The following CNTN4 variants were observed in gnomAD, a reference collection of about 807,000 sequenced individuals.
CNTN4 encodes contactin 4.
CNTN4 carries 77 observed loss-of-function variants against 122.5 expected under a neutral mutation model. The observed-to-expected ratio is 0.63, with a 90% CI of 0.52 to 0.76. The LOEUF (loss-of-function observed/expected upper bound fraction) is 0.76. CNTN4 is among the 30% of genes least tolerant of loss of function. CNTN4 has a pLI of 0.00. For synonymous variants in CNTN4, 512 were observed against 447.0 expected, an observed-to-expected ratio of 1.15 and a Z score of -1.83; for missense variants, 1,256 against 1,259.1, an observed-to-expected ratio of 1.00 and a Z score of 0.04.
chr3:2,340,709 A>ATG (rs1553627534), intron 3 of CNTN4, among the ~76,000 whole-genome samples: 1 of 101,372 alleles, frequency 9.9e-6, no homozygotes, highest in African/African-American at 3.6e-5. Context: ...ATATATATAT[A>ATG]TAGAGAGAGA....
At chr3:2,155,466 A>G (rs1023118472) in intron 2 of CNTN4, among the ~76,000 whole-genome samples, 7 of 151,764 alleles carry the variant, frequency 4.6e-5, no homozygotes, top group South Asian at 2.1e-4. Flanking sequence ...ACCTACAACA[A>G]TCTATGTATT....
chr3:2,317,287 G>A (rs547106566), intron 2 of CNTN4, among the ~76,000 whole-genome samples: 1 of 152,162 alleles, frequency 6.6e-6, no homozygotes, highest in Non-Finnish European at 1.5e-5. Context: ...ATGGAGTTGG[G>A]GTTTCATTTA....
intron 3 of CNTN4, among the ~76,000 whole-genome samples, chr3:2,489,266 G>A (rs1209967923): frequency 6.6e-6 from 1 of 152,210 alleles, no homozygotes; most frequent in East Asian, 1.9e-4. Flanking sequence ...ATCATGTTAT[G>A]TCTAATAGCA....
chr3:2,372,825 C>A (rs1189108672), intron 3 of CNTN4, among the ~76,000 whole-genome samples: 2 of 151,874 alleles, frequency 1.3e-5, no homozygotes, highest in African/African-American at 2.4e-5. Context: ...CTGAGGTGGG[C>A]GGATCACTGG....
intron 4 of CNTN4, among the ~76,000 whole-genome samples, chr3:2,627,691 C>T (rs1049190948): frequency 2.6e-4 from 39 of 151,910 alleles, no homozygotes; most frequent in African/African-American, 8.7e-4. Flanking sequence ...GACGGGGTTT[C>T]ACCGTGTTAG....
chr3:2,404,849 G>T (rs919579779), intron 3 of CNTN4, among the ~76,000 whole-genome samples: 9 of 151,978 alleles, frequency 5.9e-5, no homozygotes, highest in African/African-American at 2.2e-4. Context: ...AAATCATGTT[G>T]TTTAGAATGT....
chr3:2,585,403 G>A (rs4685528), intron 4 of CNTN4, among the ~76,000 whole-genome samples: 94,504 of 150,980 alleles, frequency 0.63, 29,800 homozygotes, highest in East Asian at 0.81. Flanking sequence ...TGTTTATTGC[G>A]GCACTATTCA....
At chr3:2,995,040 A>G (rs890390446) in intron 14 of CNTN4, among the ~76,000 whole-genome samples, 14 of 152,314 alleles carry the variant, frequency 9.2e-5, no homozygotes, top group Middle Eastern at 3.4e-3. Flanking sequence ...GACCCTAGGC[A>G]TCTAGAGTAG....
chr3:2,258,757 A>G (rs2040702094), intron 2 of CNTN4, among the ~76,000 whole-genome samples: 1 of 152,028 alleles, frequency 6.6e-6, no homozygotes, highest in Non-Finnish European at 1.5e-5. Context: ...CTCATGTCTT[A>G]GTCTGAGTTC....
chr3:2,366,223 G>A (rs1199893654), intron 3 of CNTN4, among the ~76,000 whole-genome samples: 3 of 152,008 alleles, frequency 2.0e-5, no homozygotes, highest in African/African-American at 7.3e-5. Flanking sequence ...AATTTATACA[G>A]GTAGAAAAAA....
intron 15 of CNTN4, among the ~76,000 whole-genome samples, chr3:3,029,072 C>G (rs1698961012): frequency 6.6e-6 from 1 of 152,176 alleles, no homozygotes; most frequent in South Asian, 2.1e-4. Flanking sequence ...TTAATCCTCA[C>G]AGAAATCTTG....
intron 3 of CNTN4, among the ~76,000 whole-genome samples, chr3:2,401,279 G>C (rs2046848162): frequency 1.3e-5 from 2 of 152,088 alleles, no homozygotes; most frequent in South Asian, 4.2e-4. Context: ...CAAGGTCAGA[G>C]AGCCTGCTAG....
chr3:2,569,607 G>C (rs931235284), intron 3 of CNTN4, among the ~76,000 whole-genome samples: 19 of 152,134 alleles, frequency 1.2e-4, no homozygotes, highest in Middle Eastern at 3.2e-3. Flanking sequence ...GTAGGGTGCT[G>C]CAGAGTTTTC....
intron 2 of CNTN4, among the ~76,000 whole-genome samples, chr3:2,166,120 A>C (rs566229872): frequency 1.3e-5 from 2 of 152,194 alleles, no homozygotes; most frequent in East Asian, 3.9e-4. Context: ...TTTTTGAGGA[A>C]TCTTTACTGT....
chr3:2,417,463 G>A (rs929911867), intron 3 of CNTN4, among the ~76,000 whole-genome samples: 8 of 152,158 alleles, frequency 5.3e-5, no homozygotes, highest in Admixed American at 5.2e-4. Context: ...TCACTTTGGG[G>A]TCATGAGAAA....
intron 10 of CNTN4, among the ~76,000 whole-genome samples, chr3:2,892,767 T>C (rs2094058265): frequency 6.6e-6 from 1 of 152,188 alleles, no homozygotes; most frequent in South Asian, 2.1e-4. Context: ...AATCTAATAT[T>C]TGAGCAGTAA....
At chr3:2,146,783 C>T (rs1452633222) in intron 2 of CNTN4, among the ~76,000 whole-genome samples, 3 of 152,154 alleles carry the variant, frequency 2.0e-5, no homozygotes, top group African/African-American at 7.2e-5. Flanking sequence ...ATCAGTACTT[C>T]TCAGGGGAGT....
chr3:2,158,298 A>C (rs2035807756), intron 2 of CNTN4, among the ~76,000 whole-genome samples: 1 of 152,302 alleles, frequency 6.6e-6, no homozygotes, highest in Non-Finnish European at 1.5e-5. Flanking sequence ...ACCATCCCTC[A>C]TTATTTGTCC....
chr3:2,562,891 C>G lies in CNTN4; in HGVS notation c.-88-8525C>G, dbSNP rs73108593. Among the ~76,000 whole-genome samples, 1,431 of 151,750 alleles carry G rather than the reference C, an allele frequency of 9.4e-3. 19 individuals carry two copies. Among genetic ancestry groups the G allele is most frequent in the African/African-American group, 0.033 (1,358 of 41,412 alleles). On this transcript the variant is annotated intron_variant, in intron 3 of 24. Transcript: ENST00000418658. ...GGCAGGAGCCACCACGGCTGGCTAACTTTTAAATTTTTTTTTTGTAGAGAT... is the reference window on the plus strand; with the variant it reads ...GGCAGGAGCCACCACGGCTGGCTAAGTTTTAAATTTTTTTTTTGTAGAGAT...
Sources: gnomAD v4.1 joint callset for allele counts (sites outside exome capture counted in the v4.1 genomes callset) on GRCh38, gnomAD v4.1.1 for gene constraint, MANE v1.5 for transcripts, NCBI Gene and HGNC (gene_info 2026-07-23, HGNC 2026-07-21) for gene names.